The following FRRS1L variants were observed in gnomAD, a reference collection of about 807,000 sequenced individuals.
The protein encoded by FRRS1L is DOMON domain-containing protein FRRS1L.
FRRS1L carries 22 observed loss-of-function variants against 28.6 expected under a neutral mutation model. The ratio of observed to expected loss-of-function variants is 0.77; its 90% CI spans 0.55 to 1.10. The LOEUF (loss-of-function observed/expected upper bound fraction) is 1.10. Among genes scored for constraint, FRRS1L ranks in the 50% least tolerant of loss-of-function variants. The pLI, the probability that FRRS1L is intolerant of heterozygous loss-of-function variation, is 0.00. For synonymous variants in FRRS1L, 158 were observed against 151.4 expected (o/e 1.04, Z -0.32); for missense variants, 380 against 386.9 (o/e 0.98, Z 0.15).
At position 109,147,185 on chromosome 9, in the gene FRRS1L, CA is replaced by C; in HGVS notation, c.327del (p.Tyr109Ter). 2 of 1,613,022 alleles carry C rather than the reference CA, an allele frequency of 1.2e-6. No individual in the cohort carries two copies. Among genetic ancestry groups the C allele is most frequent in the Non-Finnish European group, 1.7e-6 (2 of 1,179,002 alleles). ...DCGKTKGCFR[Y>X]GKPGCNAETC... The stretch of plus-strand genomic sequence containing the variant: ...GTCTCTGCATTACAGCCTGGTTTGC[CA>C]TATCTAGAAGAGATATCGAAAGAGA... On this transcript the variant is annotated frameshift_variant, in exon 3 of 5. Coordinates refer to ENST00000561981, the MANE Select transcript of FRRS1L (RefSeq NM_014334.4). LOFTEE classifies it high-confidence loss of function.
At chr9:109,158,364 C>A (rs1304735097) in intron 1 of FRRS1L, among the ~76,000 whole-genome samples, 1 of 151,998 alleles carries the variant, frequency 6.6e-6, no homozygotes, top group Non-Finnish European at 1.5e-5. Context: ...TAAAATTCAC[C>A]TTTTTCAAGT....
chr9:109,137,897 G>A (rs931905483), intron 4 of FRRS1L: 11 of 200,818 alleles, frequency 5.5e-5, no homozygotes, highest in Admixed American at 2.4e-4. Context: ...TCTGTTTCCT[G>A]CCATCTCAAT....
chr9:109,133,142 T>C lies in FRRS1L; in HGVS notation c.*4313A>G, dbSNP rs889360248. ...CTTCTGCATTCTATCTGAAATCATGTTTATATATTCACCTTTTGACTCAGC... is the reference window on the plus strand; with the variant it reads ...CTTCTGCATTCTATCTGAAATCATGCTTATATATTCACCTTTTGACTCAGC... On this transcript the variant is annotated 3_prime_UTR_variant, in exon 5 of 5. Coordinates refer to ENST00000561981, the MANE Select transcript of FRRS1L (RefSeq NM_014334.4). 6.6e-6 allele frequency: 1 copy of C among 152,244 alleles called. No individual in the cohort carries two copies. Among genetic ancestry groups the C allele is most frequent in the African/African-American group, 2.4e-5 (1 of 41,458 alleles). The allele number at this position is 152,244 out of a possible 1,614,324, so 9.4% of individuals were successfully genotyped here.
rs538103129 is a variant in FRRS1L, at chr9:109,136,522, T to G, written c.*933A>C. ...AGAAATTTCAAATAAATATTATTTA[T>G]TTAGTTAGTTATTTTTGAGACAGAG... On this transcript the variant is annotated 3_prime_UTR_variant, in exon 5 of 5. Transcript: ENST00000561981. The G allele has an allele frequency of 1.1e-4, 16 of 152,208 alleles. No individual in the cohort carries two copies. The highest frequency in any genetic ancestry group is 6.8e-3 in the Middle Eastern group (2 of 294). The allele number at this position is 152,208 out of a possible 1,614,324, so 9.4% of individuals were successfully genotyped here.
At chr9:109,146,216 C>G (rs118018056) in intron 3 of FRRS1L, among the ~76,000 whole-genome samples, 1 of 151,874 alleles carries the variant, frequency 6.6e-6, no homozygotes, top group Non-Finnish European at 1.5e-5. Context: ...AACAAACAAA[C>G]AAATAAATTA....
At chr9:109,155,089 C>A (rs1229157865) in intron 1 of FRRS1L, among the ~76,000 whole-genome samples, 2 of 152,220 alleles carry the variant, frequency 1.3e-5, no homozygotes, top group Non-Finnish European at 2.9e-5. Context: ...GCACCCCTTG[C>A]CATGCTGCCC....
At chr9:109,146,140 T>C (rs1405929376) in intron 3 of FRRS1L, among the ~76,000 whole-genome samples, 1 of 152,042 alleles carries the variant, frequency 6.6e-6, no homozygotes, top group African/African-American at 2.4e-5. Context: ...CAGGCTGCAA[T>C]GAGCCAAGGT....
intron 1 of FRRS1L, among the ~76,000 whole-genome samples, chr9:109,165,442 C>T (rs963662898): frequency 1.1e-4 from 16 of 152,204 alleles, no homozygotes; most frequent in African/African-American, 3.6e-4. Flanking sequence ...GGAAAGAACC[C>T]GGGTCCCTGA....
chr9:109,135,636 A>C lies in FRRS1L; in HGVS notation c.*1819T>G, dbSNP rs1831102594. 1 of 152,028 alleles carries C rather than the reference A, an allele frequency of 6.6e-6. No homozygotes were observed. The allele number at this position is 152,028 out of a possible 1,614,324, so 9.4% of individuals were successfully genotyped here. A position where few individuals can be genotyped will look rare whatever the true frequency, so the allele number is the denominator to read the frequency against. On this transcript the variant is annotated 3_prime_UTR_variant, in exon 5 of 5. Transcript: ENST00000561981. ...CGGCTAATTTTTGTATTTTTAGTGG[A>C]GACAAGGTTTTGCCATGTTGGCCAG...
chr9:109,131,126 A>T lies in FRRS1L; in HGVS notation c.*6329T>A, dbSNP rs1416988984. On this transcript the variant is annotated 3_prime_UTR_variant, in exon 5 of 5. Coordinates refer to ENST00000561981, the MANE Select transcript of FRRS1L (RefSeq NM_014334.4). The stretch of plus-strand genomic sequence containing the variant: ...TAAAAACAAAGAAATCTACCTTGAA[A>T]CTAAATAACTGGATACTTGAATAAC... 6.6e-6 allele frequency: 1 copy of T among 152,244 alleles called. No homozygotes were observed. The highest frequency in any genetic ancestry group is 1.5e-5 in the Non-Finnish European group (1 of 68,044). 9.4% of individuals were successfully genotyped at this position (152,244 alleles called of 1,614,324 possible).
chr9:109,152,892 G>C (rs1831352645), intron 1 of FRRS1L, among the ~76,000 whole-genome samples: 1 of 141,394 alleles, frequency 7.1e-6, no homozygotes, highest in Non-Finnish European at 1.5e-5. Context: ...AACAAAGCTA[G>C]CTCATAAATG....
chr9:109,155,653 A>AAT, intron 1 of FRRS1L, among the ~76,000 whole-genome samples: 1 of 149,902 alleles, frequency 6.7e-6, no homozygotes, highest in Non-Finnish European at 1.5e-5. Flanking sequence ...GCAGTGAGCT[A>AAT]AAATTGCACC....
Position 109,131,712 on chromosome 9 carries a change from C to A in FRRS1L, c.*5743G>T, listed in dbSNP as rs1032431644. On this transcript the variant is annotated 3_prime_UTR_variant, in exon 5 of 5. Coordinates refer to ENST00000561981, the MANE Select transcript of FRRS1L (RefSeq NM_014334.4). ...AAGTTTGAAAACTCTTAAGTTGAAC[C>A]ATCCAAATTCGGGGATCGTCTGTGT... 1 of 152,170 alleles carries A rather than the reference C, an allele frequency of 6.6e-6. No individual in the cohort carries two copies. The highest frequency in any genetic ancestry group is 1.9e-4 in the East Asian group (1 of 5,202). The allele number at this position is 152,170 out of a possible 1,614,324, so 9.4% of individuals were successfully genotyped here.
In FRRS1L at chr9:109,164,786, G is replaced by A. The variant is rs144011198; in HGVS notation, c.238+2115C>T. Among the ~76,000 whole-genome samples, 5 of 152,294 alleles carry A rather than the reference G, an allele frequency of 3.3e-5. No individual in the cohort carries two copies. The East Asian group carries it at 5.8e-4, about 18-fold the overall frequency. ...TTTATGTGCAGAATGGTGGGGGCGC[G>A]AAGCAGACACACTAGGGATCGGTAC... On this transcript the variant is annotated intron_variant, in intron 1 of 4. Transcript: ENST00000561981.
At chr9:109,139,337 T>G (rs1831152740) in intron 4 of FRRS1L, 1 of 152,178 alleles carries the variant, frequency 6.6e-6, no homozygotes, top group African/African-American at 2.4e-5. Flanking sequence ...AGAGAGCTTA[T>G]CAGGTAAAGC....
intron 1 of FRRS1L, among the ~76,000 whole-genome samples, chr9:109,165,391 G>C (rs1247703615): frequency 6.6e-6 from 1 of 152,166 alleles, no homozygotes; most frequent in Non-Finnish European, 1.5e-5. Context: ...CTACTGTACT[G>C]ATGAGGACAA....
intron 1 of FRRS1L, among the ~76,000 whole-genome samples, chr9:109,162,675 G>T (rs1039465100): frequency 1.6e-4 from 24 of 152,174 alleles, no homozygotes; most frequent in Non-Finnish European, 1.5e-5. Flanking sequence ...GATTCATGAA[G>T]GATACAAAGA....
intron 3 of FRRS1L, among the ~76,000 whole-genome samples, chr9:109,143,301 G>T (rs1485164970): frequency 1.3e-5 from 2 of 151,956 alleles, no homozygotes; most frequent in Non-Finnish European, 2.9e-5. Flanking sequence ...GGGCAATACA[G>T]TAAGACTCCA....
intron 1 of FRRS1L, among the ~76,000 whole-genome samples, chr9:109,153,684 A>G (rs142759569): frequency 1.3e-5 from 2 of 152,262 alleles, no homozygotes; most frequent in African/African-American, 4.8e-5. Context: ...GGTGTGGACA[A>G]TCTTATTGTG....
Sources: allele counts gnomAD v4.1 joint callset (sites outside exome capture counted in the v4.1 genomes callset), GRCh38; gene constraint gnomAD v4.1.1; transcripts MANE v1.5; gene names NCBI Gene and HGNC (gene_info 2026-07-23, HGNC 2026-07-21).